Variants in TRIM71 observed in about 807,000 individuals in gnomAD.
The protein encoded by TRIM71 is E3 ubiquitin-protein ligase TRIM71.
In TRIM71, 9 loss-of-function variants were observed where a neutral mutation model predicts 61.2. That is an observed-to-expected ratio of 0.15 (90% CI 0.09 to 0.26). TRIM71 has a LOEUF of 0.26. Ranked by LOEUF, TRIM71 falls within the 10% of genes least tolerant of loss-of-function variation. TRIM71 has a pLI of 1.00. For synonymous variants in TRIM71, 645 were observed against 553.2 expected (o/e 1.17, Z -2.33); for missense variants, 998 against 1,238.7 (o/e 0.81, Z 2.92).
intron 1 of TRIM71, among the ~76,000 whole-genome samples, chr3:32,862,625 G>C (rs1696683739): frequency 6.6e-6 from 1 of 152,174 alleles, no homozygotes; most frequent in Non-Finnish European, 1.5e-5. Flanking sequence ...TTGCAACCTT[G>C]GAGGCAGCTG....
intron 1 of TRIM71, among the ~76,000 whole-genome samples, chr3:32,845,000 T>C (rs1696456143): frequency 6.6e-6 from 1 of 152,218 alleles, no homozygotes; most frequent in African/African-American, 2.4e-5. Context: ...TGTGGGACTC[T>C]GCCTTCAACA....
chr3:32,824,046 A>T (rs938125789), intron 1 of TRIM71, among the ~76,000 whole-genome samples: 1 of 61,058 alleles, frequency 1.6e-5, no homozygotes, highest in South Asian at 9.5e-4. Context: ...CTGCACTCCA[A>T]CCTGGGCAAC....
At chr3:32,876,454 G>A (rs1166237545) in intron 2 of TRIM71, among the ~76,000 whole-genome samples, 1 of 152,166 alleles carries the variant, frequency 6.6e-6, no homozygotes, top group African/African-American at 2.4e-5. Flanking sequence ...CATGGTGGCA[G>A]GCACCTGTAA....
chr3:32,852,760 A>T (rs1308386973), intron 1 of TRIM71, among the ~76,000 whole-genome samples: 5 of 40,340 alleles, frequency 1.2e-4, no homozygotes, highest in Middle Eastern at 9.6e-3. Context: ...ACTGTCTTTT[A>T]AAAAAAAAAA....
intron 1 of TRIM71, among the ~76,000 whole-genome samples, chr3:32,850,653 G>GA (rs1186422905): frequency 6.6e-6 from 1 of 152,212 alleles, no homozygotes; most frequent in Non-Finnish European, 1.5e-5. Context: ...CTTTAAGGAA[G>GA]ACTAGCTTGT....
At position 32,897,781 on chromosome 3, in the gene TRIM71, ATTTTAT is replaced by A. The variant is rs1003861553; in HGVS notation, c.*5975_*5980del. The A allele has an allele frequency of 2.0e-5, 3 of 152,160 alleles. No homozygotes were observed. The highest frequency in any genetic ancestry group is 1.3e-4 in the Admixed American group (2 of 15,256). 9.4% of individuals were successfully genotyped at this position (152,160 alleles called of 1,614,324 possible). A position where few individuals can be genotyped will look rare whatever the true frequency, so the allele number is the denominator to read the frequency against. On this transcript the variant is annotated 3_prime_UTR_variant, in exon 4 of 4. Transcript: ENST00000383763. ...CTTTAAAATTGTTCCTATGCAGCTTATTTTATTTTTGTTTAATCAAATAAACGAGGG... is the reference window on the plus strand; with the variant it reads ...CTTTAAAATTGTTCCTATGCAGCTTATTTTGTTTAATCAAATAAACGAGGG...
rs886095869 is a variant in TRIM71 at position 32,860,358 on chromosome 3, T to C, written c.853-13460T>C. Among the ~76,000 whole-genome samples, 11 of 152,152 alleles carry C rather than the reference T, an allele frequency of 7.2e-5. 1 individual carries two copies. The highest frequency in any genetic ancestry group is 6.2e-4 in the South Asian group (3 of 4,810). ...ATTTTTAATAGATACAGGGTTTCGCTGTGGCCAGGCCGGTCTCGAACTCCT... is the reference window on the plus strand; with the variant it reads ...ATTTTTAATAGATACAGGGTTTCGCCGTGGCCAGGCCGGTCTCGAACTCCT... On this transcript the variant is annotated intron_variant, in intron 1 of 3. Transcript: ENST00000383763.
intron 1 of TRIM71, among the ~76,000 whole-genome samples, chr3:32,831,191 T>G (rs1002761584): frequency 1.3e-5 from 2 of 152,056 alleles, no homozygotes; most frequent in Non-Finnish European, 2.9e-5. Flanking sequence ...GAAGAGTGGC[T>G]TGAAAAATGC....
chr3:32,868,860 G>T (rs1323939415), intron 1 of TRIM71, among the ~76,000 whole-genome samples: 2 of 152,136 alleles, frequency 1.3e-5, no homozygotes, highest in Non-Finnish European at 2.9e-5. Flanking sequence ...TGAGGACTAT[G>T]CCTGAACTGG....
At chr3:32,828,502 C>CTTT (rs67014189) in intron 1 of TRIM71, among the ~76,000 whole-genome samples, 1,282 of 93,170 alleles carry the variant, frequency 0.014, 12 homozygotes, top group East Asian at 0.019. Context: ...CAATTGTAAA[C>CTTT]TTTTTTTTTT....
At chr3:32,840,726 C>G (rs143956681) in intron 1 of TRIM71, among the ~76,000 whole-genome samples, 1 of 152,250 alleles carries the variant, frequency 6.6e-6, no homozygotes, top group East Asian at 1.9e-4. Context: ...GCTCTTTGTT[C>G]AGCAGGAATG....
chr3:32,829,146 G>T (rs1027324527), intron 1 of TRIM71, among the ~76,000 whole-genome samples: 2 of 150,442 alleles, frequency 1.3e-5, no homozygotes, highest in Non-Finnish European at 3.0e-5. Context: ...GGAGTGCACC[G>T]CCATGCCTGG....
chr3:32,820,408 C>T (rs377296638), intron 1 of TRIM71, among the ~76,000 whole-genome samples: 8 of 152,070 alleles, frequency 5.3e-5, no homozygotes, highest in African/African-American at 1.7e-4. Context: ...GGGCAGTTAT[C>T]TTTTTTTTCC....
chr3:32,825,533 G>T (rs1347985420), intron 1 of TRIM71, among the ~76,000 whole-genome samples: 1 of 152,116 alleles, frequency 6.6e-6, no homozygotes, highest in East Asian at 1.9e-4. Context: ...CCATTTCAGT[G>T]TCATTTTTGA....
Position 32,818,319 on chromosome 3 carries a change from G to A in TRIM71, c.239G>A (p.Gly80Asp). Residue 80 changes from glycine (G) to aspartate (D), a missense_variant, in exon 1 of 4, where the codon GGC (glycine) becomes GAC (aspartate). Around this residue, in one of 5 missense-constraint regions of TRIM71, gnomAD observed 527 missense variants for 427.8 expected, o/e 1.23. Coordinates refer to ENST00000383763, the MANE Select transcript of TRIM71 (RefSeq NM_001039111.3). ...LEAHRLPAAG[G>D]GAAGEPLKLR... ...GCGCACCGGCTGCCGGCGGCGGGCG[G>A]CGGCGCGGCGGGAGAGCCGCTCAAG... is the stretch of plus-strand genomic sequence containing the variant. 7.0e-7 allele frequency: 1 copy of A among 1,438,486 alleles called. No homozygotes were observed. Among genetic ancestry groups the A allele is most frequent in the Non-Finnish European group, 9.1e-7 (1 of 1,101,354 alleles). The allele number at this position is 1,438,486 out of a possible 1,614,324, so 89.1% of individuals were successfully genotyped here. A position where few individuals can be genotyped will look rare whatever the true frequency, so the allele number is the denominator to read the frequency against.
chr3:32,896,607 A>C lies in TRIM71; in HGVS notation c.*4796A>C, dbSNP rs1697080097. 1 of 152,212 alleles carries C rather than the reference A, an allele frequency of 6.6e-6. No homozygotes were observed. Among genetic ancestry groups the C allele is most frequent in the Non-Finnish European group, 1.5e-5 (1 of 68,028 alleles). The allele number at this position is 152,212 out of a possible 1,614,324, so 9.4% of individuals were successfully genotyped here. A position where few individuals can be genotyped will look rare whatever the true frequency, so the allele number is the denominator to read the frequency against. On this transcript the variant is annotated 3_prime_UTR_variant, in exon 4 of 4. Transcript: ENST00000383763. ...TTATCATGAGGGGCTTATAAATGTC[A>C]TGGTGAAGAAATACCTCAATGATGT...
chr3:32,873,589 C>T (rs116320813), intron 1 of TRIM71, among the ~76,000 whole-genome samples: 1,978 of 152,168 alleles, frequency 0.013, 47 homozygotes, highest in African/African-American at 0.045. Context: ...AGTTGTGTTC[C>T]CCCCTCCATT....
intron 1 of TRIM71, among the ~76,000 whole-genome samples, chr3:32,855,825 T>G (rs1295900213): frequency 6.6e-6 from 1 of 152,104 alleles, no homozygotes. Context: ...GCTTCTGTAC[T>G]GTTTATAAAA....
Position 32,864,637 on chromosome 3 carries a change from C to T in TRIM71, c.853-9181C>T, listed in dbSNP as rs549446468. Among the ~76,000 whole-genome samples the T allele has an allele frequency of 5.3e-5, 8 of 152,240 alleles. No individual in the cohort carries two copies. The East Asian group carries it at 1.5e-3, about 29-fold the overall frequency. The stretch of plus-strand genomic sequence containing the variant: ...CAGGATGTCAACAGGGTCCTGACAC[C>T]CCAGTGCCCCCAGGGGCAGAGCATG... On this transcript the variant is annotated intron_variant, in intron 1 of 3. Coordinates refer to ENST00000383763, the MANE Select transcript of TRIM71 (RefSeq NM_001039111.3).
Sources: gnomAD v4.1 joint callset for allele counts (sites outside exome capture counted in the v4.1 genomes callset) on GRCh38, gnomAD v4.1.1 for gene constraint, gnomAD v4.1.1 regional missense constraint, MANE v1.5 for transcripts, NCBI Gene and HGNC (gene_info 2026-07-23, HGNC 2026-07-21) for gene names.